Variants in FAM83B observed in about 807,000 individuals in gnomAD.
FAM83B encodes scaffolding CK1 anchoring protein B, also known as protein FAM83B.
Under a neutral mutation model 38.8 loss-of-function variants are expected in FAM83B, and 26 were observed. The observed-to-expected ratio is 0.67, with a 90% CI of 0.49 to 0.93. FAM83B has a LOEUF of 0.93. FAM83B is among the 40% of genes least tolerant of loss of function. The pLI is 0.00. For synonymous variants in FAM83B, 419 were observed against 423.1 expected (o/e 0.99, Z 0.12); for missense variants, 1,237 against 1,197.3 (o/e 1.03, Z -0.49).
intron 2 of FAM83B, among the ~76,000 whole-genome samples, chr6:54,923,582 A>G (rs1313934051): frequency 6.6e-6 from 1 of 152,150 alleles, no homozygotes; most frequent in Non-Finnish European, 1.5e-5. Flanking sequence ...CAATCATATT[A>G]TATTTTCTTA....
chr6:54,870,704 T>C lies in FAM83B; in HGVS notation c.444+14T>C. On this transcript the variant is annotated intron_variant, in intron 2 of 4. Transcript: ENST00000306858. ...GAAGCAAGAAAGGTAATAACATTTC[T>C]ATTTTGAAATGAAAAATTTGAAACA... 6.4e-7 allele frequency: 1 copy of C among 1,560,306 alleles called. No individual in the cohort carries two copies. Among genetic ancestry groups the C allele is most frequent in the South Asian group, 1.2e-5 (1 of 82,672 alleles).
chr6:54,864,654 A>G (rs1021790844), intron 1 of FAM83B, among the ~76,000 whole-genome samples: 3 of 152,212 alleles, frequency 2.0e-5, no homozygotes, highest in African/African-American at 7.2e-5. Context: ...ATTTAATAGA[A>G]ACTTCTTTCA....
chr6:54,851,926 C>T (rs1395510992), intron 1 of FAM83B, among the ~76,000 whole-genome samples: 4 of 151,646 alleles, frequency 2.6e-5, no homozygotes, highest in African/African-American at 9.7e-5. Flanking sequence ...GGATTACAGG[C>T]GTGAGCCACC....
At chr6:54,861,215 G>T (rs943284882) in intron 1 of FAM83B, among the ~76,000 whole-genome samples, 2 of 152,222 alleles carry the variant, frequency 1.3e-5, no homozygotes, top group African/African-American at 4.8e-5. Context: ...CCTAAGATGA[G>T]AGTTGAATAT....
Position 54,862,879 on chromosome 6 carries a change from A to C in FAM83B, c.-60-7308A>C, listed in dbSNP as rs918850424. Among the ~76,000 whole-genome samples, 38 of 150,800 alleles carry C rather than the reference A, an allele frequency of 2.5e-4. No homozygotes were observed. In the East Asian group the frequency reaches 5.3e-3, roughly 21 times the overall value. On this transcript the variant is annotated intron_variant, in intron 1 of 4. Transcript: ENST00000306858. ...AGGCTGGGTGCAAAAACCCCCCCCC[A>C]AAAAAACCACGAAAAAAAAAATCCA... is the stretch of plus-strand genomic sequence containing the variant.
At chr6:54,895,225 T>C (rs939577151) in intron 2 of FAM83B, among the ~76,000 whole-genome samples, 3 of 152,108 alleles carry the variant, frequency 2.0e-5, no homozygotes, top group East Asian at 3.9e-4. Flanking sequence ...CAAAGAGATA[T>C]TGAAGAAATG....
intron 2 of FAM83B, among the ~76,000 whole-genome samples, chr6:54,918,104 G>A (rs942511917): frequency 2.0e-5 from 3 of 152,070 alleles, no homozygotes; most frequent in Non-Finnish European, 4.4e-5. Context: ...TATAAATATT[G>A]TATTTTGATA....
intron 2 of FAM83B, among the ~76,000 whole-genome samples, chr6:54,896,332 CA>C (rs1287740062): frequency 6.6e-6 from 1 of 152,084 alleles, no homozygotes; most frequent in African/African-American, 2.4e-5. Context: ...TCGAATGATG[CA>C]AAAAACAAGA....
chr6:54,940,900 T>A lies in FAM83B; in HGVS notation c.1929T>A (p.Gly643=). The change falls in exon 5 of 5, where the codon GGT becomes GGA. Residue 643 remains glycine (G), a synonymous_variant. Transcript: ENST00000306858. The part of the protein sequence containing the change: ...ESNNYIYKTL[G]VNKQTENLKN... ...ATAACTATATATATAAAACCTTGGG[T>A]GTAAATAAGCAGACAGAAAATCTAA... is the stretch of plus-strand genomic sequence containing the variant. The A allele has an allele frequency of 6.2e-7, 1 of 1,613,570 alleles. No homozygotes were observed. The highest frequency in any genetic ancestry group is 8.5e-7 in the Non-Finnish European group (1 of 1,179,880).
intron 1 of FAM83B, among the ~76,000 whole-genome samples, chr6:54,868,545 A>T (rs1771771217): frequency 1.3e-5 from 2 of 152,146 alleles, no homozygotes; most frequent in Admixed American, 1.3e-4. Context: ...TCCCCATGCG[A>T]TAGCTTTTAT....
At chr6:54,847,100 C>T (rs62412649) in intron 1 of FAM83B, among the ~76,000 whole-genome samples, 5,126 of 152,194 alleles carry the variant, frequency 0.034, 94 homozygotes, top group Middle Eastern at 0.065. Flanking sequence ...TTGTCTCGGG[C>T]GGAGTCGGTT....
intron 2 of FAM83B, among the ~76,000 whole-genome samples, chr6:54,900,602 G>A (rs1349368298): frequency 6.6e-6 from 1 of 152,182 alleles, no homozygotes; most frequent in Admixed American, 6.5e-5. Context: ...AATCAAGTAA[G>A]TGTTGTTGAC....
chr6:54,872,570 A>G (rs995263854), intron 2 of FAM83B, among the ~76,000 whole-genome samples: 1 of 152,188 alleles, frequency 6.6e-6, no homozygotes, highest in Non-Finnish European at 1.5e-5. Context: ...TTCCTTTGGG[A>G]CATTGCATTA....
At chr6:54,907,862 A>G (rs1772808409) in intron 2 of FAM83B, among the ~76,000 whole-genome samples, 1 of 152,190 alleles carries the variant, frequency 6.6e-6, no homozygotes, top group Admixed American at 6.5e-5. Context: ...ACCTAAGGTC[A>G]TAAGTATTAT....
chr6:54,913,648 A>C (rs1772968117), intron 2 of FAM83B, among the ~76,000 whole-genome samples: 1 of 152,076 alleles, frequency 6.6e-6, no homozygotes, highest in African/African-American at 2.4e-5. Context: ...AAGAGAGATA[A>C]AAATAGAAAA....
intron 2 of FAM83B, among the ~76,000 whole-genome samples, chr6:54,912,364 T>C (rs1483601974): frequency 6.6e-6 from 1 of 151,460 alleles, no homozygotes; most frequent in Non-Finnish European, 1.5e-5. Flanking sequence ...GACAAGTTCT[T>C]TTTTATGAAC....
chr6:54,885,994 G>A (rs1467186631), intron 2 of FAM83B, among the ~76,000 whole-genome samples: 1 of 151,402 alleles, frequency 6.6e-6, no homozygotes, highest in Non-Finnish European at 1.5e-5. Context: ...ATAAGTAACT[G>A]TCATATATAG....
rs982010312 is a variant in FAM83B, at chr6:54,944,353, C to T, written c.*2346C>T. 6.6e-5 allele frequency: 10 copies of T among 152,058 alleles called. No homozygotes were observed. Among genetic ancestry groups the T allele is most frequent in the African/African-American group, 2.4e-4 (10 of 41,416 alleles). The allele number at this position is 152,058 out of a possible 1,614,324, so 9.4% of individuals were successfully genotyped here. On this transcript the variant is annotated 3_prime_UTR_variant, in exon 5 of 5. Coordinates refer to ENST00000306858, the MANE Select transcript of FAM83B (RefSeq NM_001010872.3). Reference sequence around the variant, plus strand: ...TTGATATTAAAGTTTGGTAATGCAGCTTTTACTGTCTACATGGTACTGTAC... The same window carrying T: ...TTGATATTAAAGTTTGGTAATGCAGTTTTTACTGTCTACATGGTACTGTAC...
chr6:54,881,561 TA>T (rs1195824822), intron 2 of FAM83B, among the ~76,000 whole-genome samples: 3 of 151,396 alleles, frequency 2.0e-5, no homozygotes, highest in Admixed American at 6.6e-5. Context: ...TCTATAATCA[TA>T]AAAAAAACTG....
Sources: gnomAD v4.1 joint callset for allele counts (sites outside exome capture counted in the v4.1 genomes callset) on GRCh38, gnomAD v4.1.1 for gene constraint, MANE v1.5 for transcripts, NCBI Gene and HGNC (gene_info 2026-07-23, HGNC 2026-07-21) for gene names.